Variants in HECW1 observed in about 807,000 individuals in gnomAD.
HECW1 encodes the protein HECT, C2 and WW domain containing E3 ubiquitin protein ligase 1, also known as E3 ubiquitin-protein ligase HECW1.
A neutral mutation model predicts 182.3 loss-of-function variants in HECW1; 61 were observed. The ratio of observed to expected loss-of-function variants is 0.33; its 90% CI spans 0.27 to 0.41. The LOEUF (loss-of-function observed/expected upper bound fraction) is 0.41. Ranked by LOEUF, HECW1 falls within the 10% of genes least tolerant of loss-of-function variation. The pLI is 1.00. For synonymous variants in HECW1, 859 were observed against 832.6 expected (o/e 1.03, Z -0.55); for missense variants, 1,739 against 2,108.9 (o/e 0.82, Z 3.44).
intron 26 of HECW1, among the ~76,000 whole-genome samples, chr7:43,545,824 G>T (rs1304773906): frequency 1.5e-5 from 2 of 135,738 alleles, no homozygotes; most frequent in Non-Finnish European, 3.3e-5. Context: ...TCTCGGGGTG[G>T]AGGAGGTGGA....
At chr7:43,552,619 A>T (rs940199186) in intron 28 of HECW1, among the ~76,000 whole-genome samples, 1 of 152,172 alleles carries the variant, frequency 6.6e-6, no homozygotes, top group African/African-American at 2.4e-5. Context: ...CTTCTGTCTC[A>T]ATGGATTTGC....
At chr7:43,427,209 C>T (rs2076389632) in intron 8 of HECW1, among the ~76,000 whole-genome samples, 1 of 152,084 alleles carries the variant, frequency 6.6e-6, no homozygotes, top group Admixed American at 6.6e-5. Flanking sequence ...AACAGTTTCC[C>T]CAACTATGAT....
rs1341519354 is a variant in HECW1, at chr7:43,554,745, G to A, written c.4664G>A (p.Arg1555Gln). ...FAALRGSNGL[R>Q]RFCIEKWGKI... ...GCCCTCCGTGGGAGCAATGGGCTTCGGCGCTTCTGCATAGAGAAATGGGGG... is the reference window on the plus strand; with the variant it reads ...GCCCTCCGTGGGAGCAATGGGCTTCAGCGCTTCTGCATAGAGAAATGGGGG... The change falls in exon 29 of 30, where the codon CGG (arginine) becomes CAG (glutamine). Residue 1555 changes from arginine to glutamine, a missense_variant. By Grantham distance (43) the Arg-to-Gln change is conservative. Transcript: ENST00000395891. 1 of 1,614,074 alleles carries A rather than the reference G, an allele frequency of 6.2e-7. No homozygotes were observed. The highest frequency in any genetic ancestry group is 8.5e-7 in the Non-Finnish European group (1 of 1,179,972).
chr7:43,466,062 G>A (rs1385338819), intron 14 of HECW1, among the ~76,000 whole-genome samples: 2 of 133,032 alleles, frequency 1.5e-5, no homozygotes, highest in African/African-American at 5.8e-5. Flanking sequence ...AGGGAGGGAG[G>A]GAAGGAAGGA....
intron 2 of HECW1, among the ~76,000 whole-genome samples, chr7:43,165,319 C>G (rs1562619933): frequency 6.6e-6 from 1 of 151,226 alleles, no homozygotes; most frequent in Non-Finnish European, 1.5e-5. Context: ...ATACAATTTC[C>G]AACTTTAGAA....
intron 2 of HECW1, among the ~76,000 whole-genome samples, chr7:43,226,771 A>C (rs980089157): frequency 1.3e-5 from 2 of 152,148 alleles, no homozygotes; most frequent in African/African-American, 4.8e-5. Flanking sequence ...CATCATTTCT[A>C]AAATGCTGCC....
At chr7:43,261,202 G>A (rs185584888) in intron 3 of HECW1, among the ~76,000 whole-genome samples, 98 of 152,262 alleles carry the variant, frequency 6.4e-4, no homozygotes, top group African/African-American at 2.3e-3. Flanking sequence ...GAGAAGTTAT[G>A]GCTAGTGATG....
chr7:43,493,294 T>C, intron 19 of HECW1, 114 bp downstream of exon 19: 1 of 637,358 alleles, frequency 1.6e-6, no homozygotes, highest in African/African-American at 1.8e-5. Flanking sequence ...TATTTGTGCA[T>C]TTAAATGAGA....
chr7:43,498,390 C>A (rs969116145), intron 19 of HECW1, among the ~76,000 whole-genome samples: 1 of 152,176 alleles, frequency 6.6e-6, no homozygotes, highest in African/African-American at 2.4e-5. Context: ...TCCCTTGGGG[C>A]AGGAGGATAA....
chr7:43,191,797 TA>T (rs2152683603), intron 2 of HECW1, among the ~76,000 whole-genome samples: 1 of 152,336 alleles, frequency 6.6e-6, no homozygotes, highest in African/African-American at 2.4e-5. Context: ...CAGAATTGAA[TA>T]ATCTCAAATA....
intron 6 of HECW1, among the ~76,000 whole-genome samples, chr7:43,385,315 G>C: frequency 8.5e-6 from 1 of 117,300 alleles, no homozygotes; most frequent in Non-Finnish European, 1.8e-5. Context: ...CCCCTCCTGC[G>C]TACTGACAGA....
At chr7:43,416,154 G>A (rs977224012) in intron 8 of HECW1, among the ~76,000 whole-genome samples, 16 of 150,498 alleles carry the variant, frequency 1.1e-4, no homozygotes, top group African/African-American at 3.2e-4. Context: ...CCCGATCTTT[G>A]TGGTTTTATC....
intron 5 of HECW1, among the ~76,000 whole-genome samples, chr7:43,353,819 C>A (rs983479416): frequency 1.3e-5 from 2 of 152,054 alleles, no homozygotes; most frequent in African/African-American, 2.4e-5. Flanking sequence ...GAGAACTATC[C>A]CTGAGAGCAA....
chr7:43,335,544 C>T (rs35945340), intron 5 of HECW1, among the ~76,000 whole-genome samples: 38,314 of 152,144 alleles, frequency 0.25, 5,790 homozygotes, highest in African/African-American at 0.43. Context: ...AGCACCTTGA[C>T]ATTGAACTTT....
chr7:43,241,990 A>C (rs1798938360), intron 2 of HECW1, among the ~76,000 whole-genome samples: 1 of 152,040 alleles, frequency 6.6e-6, no homozygotes, highest in Admixed American at 6.5e-5. Context: ...TCTCCAAGGA[A>C]GGGGTAAATA....
chr7:43,372,657 AT>A (rs141423254), intron 6 of HECW1, among the ~76,000 whole-genome samples: 5,162 of 151,946 alleles, frequency 0.034, 302 homozygotes, highest in African/African-American at 0.12. Flanking sequence ...AACATCTATA[AT>A]TTTTTTAAAT....
intron 24 of HECW1, among the ~76,000 whole-genome samples, chr7:43,526,196 G>A (rs2080749569): frequency 6.6e-6 from 1 of 152,158 alleles, no homozygotes; most frequent in African/African-American, 2.4e-5. Context: ...GATCTTGTGT[G>A]GCATGGCAAC....
At chr7:43,554,874 T>A in intron 29 of HECW1, 84 bp downstream of exon 29, 1 of 1,238,426 alleles carries the variant, frequency 8.1e-7, no homozygotes, top group Non-Finnish European at 1.1e-6. Context: ...TGACCATCCT[T>A]TGGGATGGAA....
At chr7:43,498,141 A>C (rs2079187843) in intron 19 of HECW1, among the ~76,000 whole-genome samples, 1 of 152,160 alleles carries the variant, frequency 6.6e-6, no homozygotes, top group South Asian at 2.1e-4. Flanking sequence ...TATGCATGAC[A>C]TGTTGCCAGA....
Sources: allele counts gnomAD v4.1 joint callset (sites outside exome capture counted in the v4.1 genomes callset), GRCh38; gene constraint gnomAD v4.1.1; transcripts MANE v1.5; gene names NCBI Gene and HGNC (gene_info 2026-07-23, HGNC 2026-07-21).